Variants in THADA observed in about 807,000 individuals in gnomAD.
THADA encodes the protein tRNA (32-2'-O)-methyltransferase regulator THADA.
A neutral mutation model predicts 219.8 loss-of-function variants in THADA; 213 were observed. The observed-to-expected ratio is 0.97, with a 90% CI of 0.87 to 1.09. The LOEUF is 1.09. THADA is among the 50% of genes least tolerant of loss of function. The pLI is 0.00. For synonymous variants in THADA, 1,018 were observed against 828.9 expected, an observed-to-expected ratio of 1.23 and a Z score of -3.92; for missense variants, 2,956 against 2,311.3, an observed-to-expected ratio of 1.28 and a Z score of -5.72.
At chr2:43,282,574 T>C (rs772845869) in intron 35 of THADA, among the ~76,000 whole-genome samples, 2 of 152,188 alleles carry the variant, frequency 1.3e-5, no homozygotes, top group Non-Finnish European at 2.9e-5. Flanking sequence ...CACAAAAATA[T>C]AATTCTACTA....
chr2:43,262,785 T>C (rs1296320721), intron 36 of THADA, among the ~76,000 whole-genome samples: 1 of 152,268 alleles, frequency 6.6e-6, no homozygotes, highest in African/African-American at 2.4e-5. Flanking sequence ...TGATCAGCTG[T>C]GTCAGCATCA....
chr2:43,380,849 A>G (rs1671923867), intron 29 of THADA, among the ~76,000 whole-genome samples: 1 of 152,212 alleles, frequency 6.6e-6, no homozygotes, highest in Non-Finnish European at 1.5e-5. Context: ...CTGTAATCCC[A>G]GCACTTTGGG....
At chr2:43,558,434 G>T (rs1367097464) in intron 16 of THADA, among the ~76,000 whole-genome samples, 1 of 152,184 alleles carries the variant, frequency 6.6e-6, no homozygotes, top group Non-Finnish European at 1.5e-5. Flanking sequence ...TCCTGTGTGT[G>T]TCTGTGAGGG....
intron 16 of THADA, among the ~76,000 whole-genome samples, chr2:43,559,997 T>G (rs370315796): frequency 3.9e-5 from 6 of 152,238 alleles, no homozygotes; most frequent in Non-Finnish European, 8.8e-5. Context: ...CACCTCCCTT[T>G]TTATCAAAGC....
chr2:43,539,625 T>C (rs1252091231), intron 21 of THADA, among the ~76,000 whole-genome samples: 1 of 152,224 alleles, frequency 6.6e-6, no homozygotes, highest in Non-Finnish European at 1.5e-5. Flanking sequence ...GTCATCAGTT[T>C]CTTCTCACGC....
At chr2:43,379,969 T>G (rs917083552) in intron 29 of THADA, among the ~76,000 whole-genome samples, 1 of 152,336 alleles carries the variant, frequency 6.6e-6, no homozygotes, top group African/African-American at 2.4e-5. Flanking sequence ...TCACATGACA[T>G]TCTAGAAAGG....
chr2:43,541,124 G>C (rs372505191), intron 21 of THADA, 35 bp downstream of exon 21: 399 of 1,470,180 alleles, frequency 2.7e-4, no homozygotes, highest in Non-Finnish European at 3.3e-4. Flanking sequence ...GCGTTGACCA[G>C]AAATTATACA....
intron 29 of THADA, among the ~76,000 whole-genome samples, chr2:43,370,471 T>C (rs1235311742): frequency 6.6e-6 from 1 of 152,208 alleles, no homozygotes; most frequent in Non-Finnish European, 1.5e-5. Flanking sequence ...AAGTTTCATG[T>C]TGAACACTGC....
intron 28 of THADA, among the ~76,000 whole-genome samples, chr2:43,426,355 CAG>C (rs1678419123): frequency 6.6e-6 from 1 of 152,276 alleles, no homozygotes; most frequent in East Asian, 1.9e-4. Context: ...GTTCTTAAGA[CAG>C]AGCACAGGTT....
chr2:43,407,694 A>G (rs1018892546), intron 28 of THADA, among the ~76,000 whole-genome samples: 1 of 152,216 alleles, frequency 6.6e-6, no homozygotes, highest in Non-Finnish European at 1.5e-5. Context: ...AAAAAGAAGG[A>G]AGGAAAAAAG....
intron 29 of THADA, among the ~76,000 whole-genome samples, chr2:43,386,150 GA>G (rs1055975486): frequency 2.7e-5 from 4 of 150,012 alleles, no homozygotes; most frequent in South Asian, 2.1e-4. Context: ...AATTAATAAG[GA>G]AAAAAAAAGT....
Position 43,577,255 on chromosome 2 carries a change from A to G in THADA, c.817-13T>C. 1 of 1,561,788 alleles carries G rather than the reference A, an allele frequency of 6.4e-7. No individual in the cohort carries two copies. The highest frequency in any genetic ancestry group is 8.7e-7 in the Non-Finnish European group (1 of 1,150,974). On this transcript the variant is annotated splice_polypyrimidine_tract_variant and intron_variant, in intron 9 of 37. Transcript: ENST00000405975. The stretch of plus-strand genomic sequence containing the variant: ...GCACACTGCTAATCTGGAAAAATAT[A>G]GCAGAGCTAACACACATAAAGCTTT...
chr2:43,583,613 A>T (rs1364026293), intron 7 of THADA, among the ~76,000 whole-genome samples: 1 of 152,260 alleles, frequency 6.6e-6, no homozygotes, highest in African/African-American at 2.4e-5. Flanking sequence ...TTGTATATCA[A>T]TGTTTATAGC....
chr2:43,587,588 A>G (rs1173137500), intron 4 of THADA, among the ~76,000 whole-genome samples: 2 of 152,132 alleles, frequency 1.3e-5, no homozygotes, highest in Non-Finnish European at 2.9e-5. Context: ...TTTCAGGTCA[A>G]TCTCAATTAC....
Position 43,428,234 on chromosome 2 carries a change from G to C in THADA, c.3927-3C>G, listed in dbSNP as rs1678756144. ...GACGATTTGGTTCTCCCATATCACT[G>C]AAACAACAATTATTACACATGAAAG... On this transcript the variant is annotated splice_polypyrimidine_tract_variant and splice_region_variant and intron_variant, in intron 27 of 37. Coordinates refer to ENST00000405975, the MANE Select transcript of THADA (RefSeq NM_022065.5). 1 of 1,590,906 alleles carries C rather than the reference G, an allele frequency of 6.3e-7. No homozygotes were observed. Among genetic ancestry groups the C allele is most frequent in the African/African-American group, 1.3e-5 (1 of 74,508 alleles).
At chr2:43,236,068 C>T (rs934715703) in intron 36 of THADA, among the ~76,000 whole-genome samples, 2 of 152,204 alleles carry the variant, frequency 1.3e-5, no homozygotes, top group Non-Finnish European at 2.9e-5. Flanking sequence ...CTCGGCCTCC[C>T]AAAGTGCTGG....
intron 16 of THADA, among the ~76,000 whole-genome samples, chr2:43,557,091 G>GAA (rs368662792): frequency 1.3e-5 from 2 of 150,980 alleles, no homozygotes; most frequent in African/African-American, 4.9e-5. Context: ...TCTATTAAAA[G>GAA]AAAAAAAACA....
intron 28 of THADA, among the ~76,000 whole-genome samples, chr2:43,425,581 G>C (rs1314968983): frequency 6.6e-6 from 1 of 151,792 alleles, no homozygotes; most frequent in Non-Finnish European, 1.5e-5. Context: ...AGACCATTTG[G>C]AAGTCGGACT....
At chr2:43,557,305 C>A (rs1697491717) in intron 16 of THADA, among the ~76,000 whole-genome samples, 1 of 152,094 alleles carries the variant, frequency 6.6e-6, no homozygotes, top group African/African-American at 2.4e-5. Flanking sequence ...GTACTTTGTC[C>A]TGTAGAATTT....
Sources: allele counts gnomAD v4.1 joint callset (sites outside exome capture counted in the v4.1 genomes callset), GRCh38; gene constraint gnomAD v4.1.1; transcripts MANE v1.5; gene names NCBI Gene and HGNC (gene_info 2026-07-23, HGNC 2026-07-21).